Variants in CCDC15 observed in about 807,000 individuals in gnomAD.
CCDC15 encodes the protein coiled-coil domain containing 15.
CCDC15 carries 105 observed loss-of-function variants against 114.5 expected under a neutral mutation model. That is an observed-to-expected ratio of 0.92 (90% CI 0.78 to 1.08). CCDC15 has a LOEUF of 1.08. Ranked by LOEUF, CCDC15 falls within the 50% of genes least tolerant of loss-of-function variation. The pLI is 0.00. For synonymous variants in CCDC15, 334 were observed against 377.8 expected, an observed-to-expected ratio of 0.88 and a Z score of 1.34; for missense variants, 1,105 against 1,093.6, an observed-to-expected ratio of 1.01 and a Z score of -0.15.
intron 4 of CCDC15, among the ~76,000 whole-genome samples, chr11:124,968,848 A>G (rs1947831840): frequency 6.6e-6 from 1 of 152,158 alleles, no homozygotes; most frequent in South Asian, 2.1e-4. Context: ...TCCTGCCACA[A>G]CACCTCCACT....
chr11:124,975,617 A>G (rs867613127), intron 5 of CCDC15, among the ~76,000 whole-genome samples: 4 of 152,314 alleles, frequency 2.6e-5, no homozygotes, highest in Middle Eastern at 3.4e-3. Flanking sequence ...GTTGGGAAGC[A>G]TATAATAAAC....
At chr11:124,975,068 T>A in intron 4 of CCDC15, 28 bp from the exon 5 acceptor site, 1 of 1,426,824 alleles carries the variant, frequency 7.0e-7, no homozygotes. Flanking sequence ...CCTGCTTTTG[T>A]TTGCTTTCTT....
intron 13 of CCDC15, chr11:125,038,228 C>T (rs889656626): frequency 1.1e-5 from 4 of 376,928 alleles, no homozygotes; most frequent in Non-Finnish European, 1.9e-5. Context: ...CCAGGAAGAA[C>T]TCTTTTAATA....
intron 13 of CCDC15, among the ~76,000 whole-genome samples, chr11:125,014,070 T>A (rs1179848676): frequency 1.3e-5 from 2 of 152,056 alleles, no homozygotes; most frequent in Non-Finnish European, 2.9e-5. Context: ...TCTGTGATGA[T>A]GAGGAGATGT....
intron 11 of CCDC15, among the ~76,000 whole-genome samples, 171 bp from the exon 12 acceptor site, chr11:125,003,696 G>A (rs1212691815): frequency 2.0e-5 from 3 of 151,814 alleles, no homozygotes; most frequent in Non-Finnish European, 2.9e-5. Context: ...CTTCTGAAAC[G>A]GCTTCCTTTC....
intron 13 of CCDC15, among the ~76,000 whole-genome samples, chr11:125,028,192 G>T (rs1948717693): frequency 6.6e-6 from 1 of 152,170 alleles, no homozygotes; most frequent in Non-Finnish European, 1.5e-5. Flanking sequence ...GTTGGATAAT[G>T]TGATGCCTCC....
At chr11:125,031,659 C>A (rs1165775862) in intron 13 of CCDC15, among the ~76,000 whole-genome samples, 4 of 152,170 alleles carry the variant, frequency 2.6e-5, no homozygotes, top group Non-Finnish European at 5.9e-5. Flanking sequence ...ATCCTAGAGG[C>A]CTTTGTTGTG....
chr11:125,024,015 T>G (rs1948678923), intron 13 of CCDC15, among the ~76,000 whole-genome samples: 1 of 151,962 alleles, frequency 6.6e-6, no homozygotes, highest in Admixed American at 6.6e-5. Context: ...TATGGCATAA[T>G]AAAAATGTTC....
chr11:124,986,670 T>A, intron 6 of CCDC15, 72 bp from the exon 7 acceptor site: 1 of 937,520 alleles, frequency 1.1e-6, no homozygotes, highest in Non-Finnish European at 1.4e-6. Flanking sequence ...CATGGTGCTG[T>A]GTGTGTGTGT....
chr11:124,996,294 C>A (rs1294534795), intron 11 of CCDC15, among the ~76,000 whole-genome samples: 1 of 152,168 alleles, frequency 6.6e-6, no homozygotes, highest in Non-Finnish European at 1.5e-5. Flanking sequence ...TGCTGCACCC[C>A]CATATTCTCA....
At chr11:124,970,170 T>C (rs1038929616) in intron 4 of CCDC15, among the ~76,000 whole-genome samples, 4 of 152,234 alleles carry the variant, frequency 2.6e-5, no homozygotes, top group African/African-American at 9.6e-5. Context: ...TTTGGTATAC[T>C]TGAGGACCCG....
At chr11:124,959,533 C>T (rs1172897643) in intron 3 of CCDC15, among the ~76,000 whole-genome samples, 2 of 152,140 alleles carry the variant, frequency 1.3e-5, no homozygotes, top group East Asian at 3.9e-4. Context: ...CTACTTCTAG[C>T]TATTGACTTT....
chr11:124,961,286 G>C (rs1346104903), intron 4 of CCDC15, among the ~76,000 whole-genome samples: 1 of 152,118 alleles, frequency 6.6e-6, no homozygotes, highest in Non-Finnish European at 1.5e-5. Context: ...TGTTTGTTAT[G>C]GATTGTAGCG....
At position 125,038,530 on chromosome 11, in the gene CCDC15, G is replaced by C; in HGVS notation, c.2511G>C (p.Glu837Asp). The change falls in exon 14 of 16, where the codon GAG becomes GAC. Residue 837 changes from glutamate (E) to aspartate (D), a missense_variant. Physicochemically the swap from Glu to Asp is conservative, Grantham distance 45. Coordinates refer to ENST00000344762, the MANE Select transcript of CCDC15 (RefSeq NM_025004.3). ...EDPYSGEKLS[E>D]ILAQLQLQEI... ...CATATTCAGGAGAGAAGTTGAGTGA[G>C]ATATTAGCCCAGTTACAACTTCAAG... 6.3e-7 allele frequency: 1 copy of C among 1,588,418 alleles called. No individual in the cohort carries two copies. The highest frequency in any genetic ancestry group is 8.6e-7 in the Non-Finnish European group (1 of 1,166,468).
At position 124,975,188 on chromosome 11, in the gene CCDC15, G is replaced by A; in HGVS notation, c.609G>A (p.Arg203=). The change falls in exon 5 of 16, where the codon AGG becomes AGA. Residue 203 remains arginine (R), a synonymous_variant. Coordinates refer to ENST00000344762, the MANE Select transcript of CCDC15 (RefSeq NM_025004.3). ...KKGSVFPDDG[R]KSFLTREEVL... ...GATCAGTGTTTCCAGATGATGGAAG[G>A]AAAAGCTTTCTTACCAGAGAGGTAA... The A allele has an allele frequency of 6.3e-7, 1 of 1,588,420 alleles. No individual in the cohort carries two copies. The highest frequency in any genetic ancestry group is 8.6e-7 in the Non-Finnish European group (1 of 1,169,386).
chr11:124,975,703 A>G (rs1424154734), intron 5 of CCDC15, among the ~76,000 whole-genome samples: 1 of 152,202 alleles, frequency 6.6e-6, no homozygotes, highest in Non-Finnish European at 1.5e-5. Context: ...AAAGATGGAA[A>G]GAGTTCCATG....
chr11:125,008,839 A>G (rs1338066034), intron 13 of CCDC15, among the ~76,000 whole-genome samples: 1 of 151,646 alleles, frequency 6.6e-6, no homozygotes, highest in African/African-American at 2.4e-5. Flanking sequence ...ACTACAGGCT[A>G]TGGGTTTTTA....
chr11:124,959,293 A>G, intron 3 of CCDC15, 29 bp downstream of exon 3: 2 of 1,533,642 alleles, frequency 1.3e-6, no homozygotes, highest in Admixed American at 2.4e-5. Flanking sequence ...CTGAGTAAAG[A>G]TTGAATGGAA....
intron 13 of CCDC15, among the ~76,000 whole-genome samples, chr11:125,019,857 A>T (rs1487328367): frequency 6.6e-6 from 1 of 151,954 alleles, no homozygotes; most frequent in Non-Finnish European, 1.5e-5. Flanking sequence ...TTTTTGATAC[A>T]TTATATTTGT....
Sources: allele counts gnomAD v4.1 joint callset (sites outside exome capture counted in the v4.1 genomes callset), GRCh38; gene constraint gnomAD v4.1.1; transcripts MANE v1.5; gene names NCBI Gene and HGNC (gene_info 2026-07-23, HGNC 2026-07-21).